SNX5: variants seen among roughly 807,000 people sequenced by gnomAD.
SNX5 encodes the protein sorting nexin 5.
In SNX5, 31 loss-of-function variants were observed where a neutral mutation model predicts 53.9. That is an observed-to-expected ratio of 0.58 (90% CI 0.43 to 0.78). The LOEUF is 0.78. Ranked by LOEUF, SNX5 falls within the 30% of genes least tolerant of loss-of-function variation. SNX5 has a pLI of 0.00. For synonymous variants in SNX5, 168 were observed against 171.1 expected, an observed-to-expected ratio of 0.98 and a Z score of 0.14; for missense variants, 471 against 478.8, an observed-to-expected ratio of 0.98 and a Z score of 0.15.
At chr20:17,962,831 A>T (rs758949986) in intron 1 of SNX5, 5 of 519,164 alleles carry the variant, frequency 9.6e-6, no homozygotes, top group South Asian at 7.0e-5. Context: ...AGAACACTGC[A>T]GACTGCAGGG....
chr20:17,961,234 A>C (rs2035442846), intron 1 of SNX5: 1 of 985,144 alleles, frequency 1.0e-6, no homozygotes, highest in Non-Finnish European at 1.2e-6. Context: ...TCATAAACTC[A>C]CTTTTGGTCC....
At chr20:17,952,483 T>C in intron 5 of SNX5, 104 bp downstream of exon 5, 7 of 1,146,502 alleles carry the variant, frequency 6.1e-6, no homozygotes, top group Non-Finnish European at 7.2e-6. Flanking sequence ...AAGGTTTCCA[T>C]TGTGTAAGAA....
intron 11 of SNX5, chr20:17,944,348 T>C (rs1158534512): frequency 2.0e-5 from 3 of 152,076 alleles, no homozygotes; most frequent in Admixed American, 2.0e-4. Flanking sequence ...TGAAAGATGT[T>C]AATTAGCTTG....
At chr20:17,951,454 T>A in intron 6 of SNX5, 46 bp downstream of exon 6, 4 of 1,115,818 alleles carry the variant, frequency 3.6e-6, no homozygotes, top group Non-Finnish European at 5.5e-6. Flanking sequence ...GGTCACCTAT[T>A]CCCGATGAAG....
chr20:17,962,630 A>AAAAAAAAAAAAAAAAAAAAAAACT, intron 1 of SNX5: 1 of 404,148 alleles, frequency 2.5e-6, no homozygotes, highest in South Asian at 1.9e-5. Context: ...CTAACAGAAG[A>AAAAAAAAAAAAAAAAAAAAAAACT]TCTCAGTCTA....
chr20:17,958,223 G>A (rs1457400950), intron 1 of SNX5, among the ~76,000 whole-genome samples: 1 of 152,044 alleles, frequency 6.6e-6, no homozygotes, highest in Non-Finnish European at 1.5e-5. Flanking sequence ...TCATAACACT[G>A]GATTACCCAA....
At chr20:17,949,036 T>G in intron 9 of SNX5, 28 bp downstream of exon 9, 1 of 1,608,074 alleles carries the variant, frequency 6.2e-7, no homozygotes, top group Non-Finnish European at 8.5e-7. Flanking sequence ...AAAATATATA[T>G]TATGAAGACC....
At chr20:17,956,143 A>T (rs1285513476) in intron 2 of SNX5, among the ~76,000 whole-genome samples, 1 of 152,176 alleles carries the variant, frequency 6.6e-6, no homozygotes, top group Non-Finnish European at 1.5e-5. Context: ...AAGAAAAATA[A>T]ATTTTAAAAA....
rs1568590918 is a variant in SNX5, at chr20:17,951,576, T to G, written c.533A>C (p.Asn178Thr). Residue 178 changes from asparagine to threonine, a missense_variant, in exon 6 of 13, where the codon AAT (asparagine) becomes ACT (threonine). Transcript: ENST00000377759. ...GAAGCCACCAAACATCTCTTTAGTA[T>G]TTTTCCGCCTAACACTTAGCTAAAA... The part of the protein sequence containing the change: ...YDQDLSVRRK[N>T]TKEMFGGFFK... The G allele has an allele frequency of 6.2e-7, 1 of 1,610,690 alleles. No homozygotes were observed. Among genetic ancestry groups the G allele is most frequent in the Non-Finnish European group, 8.5e-7 (1 of 1,177,508 alleles).
intron 1 of SNX5, chr20:17,961,570 G>A (rs755961046): frequency 1.7e-5 from 17 of 982,784 alleles, no homozygotes; most frequent in Non-Finnish European, 2.1e-5. Flanking sequence ...GTGCTAGCCT[G>A]TATTTTCCTA....
intron 8 of SNX5, 28 bp from the exon 9 acceptor site, chr20:17,949,131 A>G: frequency 6.3e-7 from 1 of 1,598,464 alleles, no homozygotes; most frequent in South Asian, 1.1e-5. Context: ...ATTTTGGTTT[A>G]AGGTCTTAAA....
chr20:17,968,507 CT>C lies in SNX5; in HGVS notation c.-83del. 8.0e-7 allele frequency: 1 copy of C among 1,245,912 alleles called. No homozygotes were observed. Among genetic ancestry groups the C allele is most frequent in the Non-Finnish European group, 1.0e-6 (1 of 977,572 alleles). 77.2% of individuals were successfully genotyped at this position (1,245,912 alleles called of 1,614,324 possible). A position where few individuals can be genotyped will look rare whatever the true frequency, so the allele number is the denominator to read the frequency against. ...GCCGCCGCCGCCGCCGCCTGGGCGC[CT>C]CTCGGGGGCGGCCACGGCCCCGCCT... On this transcript the variant is annotated 5_prime_UTR_variant, in exon 1 of 13. Transcript: ENST00000377759.
At chr20:17,958,818 CT>C (rs2035405465) in intron 1 of SNX5, among the ~76,000 whole-genome samples, 1 of 151,992 alleles carries the variant, frequency 6.6e-6, no homozygotes. Flanking sequence ...CAAATACAGC[CT>C]TTAAAAATAC....
Position 17,950,436 on chromosome 20 carries a change from ATAC to A in SNX5, c.610-43_610-41del, listed in dbSNP as rs772885999. 5 of 1,127,006 alleles carry A rather than the reference ATAC, an allele frequency of 4.4e-6. No homozygotes were observed. The Admixed American group carries it at 9.4e-5, about 21-fold the overall frequency. 69.8% of individuals were successfully genotyped at this position (1,127,006 alleles called of 1,614,324 possible). Reference sequence around the variant, plus strand: ...AAAAGAACCAGACATTTCATGAAATATACTATCCCTGCAGCCTTTTACATTTAT... The same window carrying A: ...AAAAGAACCAGACATTTCATGAAATATATCCCTGCAGCCTTTTACATTTAT... On this transcript the variant is annotated intron_variant, in intron 6 of 12. Transcript: ENST00000377759.
chr20:17,951,652 AAAG>A (rs1600339827), intron 5 of SNX5, 57 bp from the exon 6 acceptor site: 5 of 1,193,940 alleles, frequency 4.2e-6, no homozygotes, highest in Non-Finnish European at 6.2e-6. Flanking sequence ...AGATTCTCTT[AAAG>A]AAGTTCTGAG....
Position 17,954,095 on chromosome 20 carries a change from G to C in SNX5, c.290C>G (p.Pro97Arg). 1 of 1,613,756 alleles carries C rather than the reference G, an allele frequency of 6.2e-7. No individual in the cohort carries two copies. Among genetic ancestry groups the C allele is most frequent in the African/African-American group, 1.3e-5 (1 of 74,984 alleles). ...GLIIPPAPTKPDFDGPREKMQ... is the reference protein window; with the variant it reads ...GLIIPPAPTKRDFDGPREKMQ... ...CTTCTCTCGAGGACCATCAAAGTCGGGCTTCGTAGGAGCAGGTGGAATCTG... is the reference window on the plus strand; with the variant it reads ...CTTCTCTCGAGGACCATCAAAGTCGCGCTTCGTAGGAGCAGGTGGAATCTG... Residue 97 changes from proline to arginine, a missense_variant, in exon 4 of 13, where the codon CCC becomes CGC. Physicochemically the swap from Pro to Arg is moderately radical, Grantham distance 103 (BLOSUM62 -2). Transcript: ENST00000377759.
chr20:17,968,334 A>C, intron 1 of SNX5, 41 bp downstream of exon 1: 1 of 1,252,934 alleles, frequency 8.0e-7, no homozygotes. Flanking sequence ...CGGAGCTCGC[A>C]GGGCCGCCCG....
At chr20:17,964,395 T>A (rs923269432) in intron 1 of SNX5, among the ~76,000 whole-genome samples, 1 of 151,654 alleles carries the variant, frequency 6.6e-6, no homozygotes, top group African/African-American at 2.4e-5. Context: ...AAAAGAAGAG[T>A]CAAGCCAAGG....
rs984046865 is a variant in SNX5 at position 17,949,989 on chromosome 20, G to T, written c.791+143C>A. On this transcript the variant is annotated intron_variant, in intron 8 of 12. Transcript: ENST00000377759. ...CAAGTGTCTTATGTCCAGAGAACAT[G>T]TAAGATGAGTGCTAGAGACTTGTCT... 23 of 652,928 alleles carry T rather than the reference G, an allele frequency of 3.5e-5. No individual in the cohort carries two copies. In the South Asian group the frequency reaches 3.9e-4, roughly 11 times the overall value. The allele number at this position is 652,928 out of a possible 1,614,324, so 40.4% of individuals were successfully genotyped here.
Sources: gnomAD v4.1 joint callset for allele counts (sites outside exome capture counted in the v4.1 genomes callset) on GRCh38, gnomAD v4.1.1 for gene constraint, MANE v1.5 for transcripts, NCBI Gene and HGNC (gene_info 2026-07-23, HGNC 2026-07-21) for gene names.